CHSY3: variants seen among roughly 807,000 people sequenced by gnomAD.
The protein encoded by CHSY3 is N-acetylgalactosaminyl-proteoglycan 3-beta-glucuronosyltransferase 3.
In CHSY3, 35 loss-of-function variants were observed where a neutral mutation model predicts 67.2. The observed-to-expected ratio is 0.52, with a 90% confidence interval of 0.40 to 0.69. The LOEUF is 0.69. Ranked by LOEUF, CHSY3 falls within the 30% of genes least tolerant of loss-of-function variation. CHSY3 has a pLI of 0.00. For synonymous variants in CHSY3, 474 were observed against 434.7 expected (o/e 1.09, Z -1.12); for missense variants, 1,069 against 1,138.5 (o/e 0.94, Z 0.88).
intron 2 of CHSY3, among the ~76,000 whole-genome samples, chr5:130,179,641 A>G (rs895284261): frequency 6.6e-6 from 1 of 151,960 alleles, no homozygotes; most frequent in African/African-American, 2.4e-5. Context: ...CAAATTCTTC[A>G]TATGTTTTCA....
chr5:130,031,012 G>T (rs1209648235), intron 2 of CHSY3, among the ~76,000 whole-genome samples: 1 of 151,848 alleles, frequency 6.6e-6, no homozygotes, highest in African/African-American at 2.4e-5. Context: ...TATCCTAGAA[G>T]AATTAAACCT....
intron 2 of CHSY3, among the ~76,000 whole-genome samples, chr5:130,143,804 A>ATGTG (rs1554085944): frequency 5.4e-5 from 2 of 37,382 alleles, no homozygotes; most frequent in African/African-American, 9.3e-5. Flanking sequence ...ATATATATAT[A>ATGTG]TGTGTGTATA....
chr5:130,038,328 T>C (rs972049007), intron 2 of CHSY3, among the ~76,000 whole-genome samples: 9 of 152,150 alleles, frequency 5.9e-5, no homozygotes, highest in African/African-American at 1.9e-4. Flanking sequence ...ATTGCTCTAT[T>C]ACATTCTAGG....
At chr5:130,168,758 A>C (rs1769818409) in intron 2 of CHSY3, among the ~76,000 whole-genome samples, 1 of 152,088 alleles carries the variant, frequency 6.6e-6, no homozygotes. Context: ...GGAGCTGGTC[A>C]TCTAGAAAGG....
At position 129,966,085 on chromosome 5, in the gene CHSY3, A is replaced by G. The variant is rs73785829; in HGVS notation, c.1086+57725A>G. On this transcript the variant is annotated intron_variant, in intron 2 of 2. Transcript: ENST00000305031. ...ATTCCAGGTGATAGTCTGTATTTGTATTATAGGCTGTTAGAGAAAAAGCAC... is the reference window on the plus strand; with the variant it reads ...ATTCCAGGTGATAGTCTGTATTTGTGTTATAGGCTGTTAGAGAAAAAGCAC... 5.4e-3 allele frequency among the ~76,000 whole-genome samples: 827 copies of G among 151,872 alleles called. 5 individuals carry two copies. The highest frequency in any genetic ancestry group is 0.019 in the African/African-American group (784 of 41,386).
intron 2 of CHSY3, among the ~76,000 whole-genome samples, chr5:130,073,069 T>C (rs1766136829): frequency 6.6e-6 from 1 of 152,188 alleles, no homozygotes; most frequent in Non-Finnish European, 1.5e-5. Flanking sequence ...GAATAACTTT[T>C]AGTGATCTAT....
chr5:129,971,492 AC>A (rs1480659623), intron 2 of CHSY3, among the ~76,000 whole-genome samples: 2 of 151,948 alleles, frequency 1.3e-5, no homozygotes, highest in Non-Finnish European at 2.9e-5. Flanking sequence ...ATTGCTTAGT[AC>A]ATTTTATTAG....
intron 2 of CHSY3, among the ~76,000 whole-genome samples, chr5:129,915,302 G>A (rs1204304532): frequency 6.6e-6 from 1 of 152,116 alleles, no homozygotes; most frequent in African/African-American, 2.4e-5. Flanking sequence ...TTGAGGAGTT[G>A]CAGTTCTTCA....
rs148204816 is a variant in CHSY3 at position 130,153,424 on chromosome 5, C to T, written c.1087-30805C>T. Among the ~76,000 whole-genome samples, 296 of 152,250 alleles carry T rather than the reference C, an allele frequency of 1.9e-3. 1 individual carries two copies. Among genetic ancestry groups the T allele is most frequent in the Middle Eastern group, 6.8e-3 (2 of 294 alleles). On this transcript the variant is annotated intron_variant, in intron 2 of 2. Coordinates refer to ENST00000305031, the MANE Select transcript of CHSY3 (RefSeq NM_175856.5). ...TTCTCAAAACATCATTCTCTCTCAG[C>T]CTTTAAGTTTTGCAAGTTGAATCTT...
intron 2 of CHSY3, among the ~76,000 whole-genome samples, chr5:130,028,915 G>T (rs1208658910): frequency 6.6e-6 from 1 of 151,464 alleles, no homozygotes; most frequent in Non-Finnish European, 1.5e-5. Flanking sequence ...CCCCACATCT[G>T]CTTCTCCTAC....
rs144778726 is a variant in CHSY3, at chr5:130,156,394, G to A, written c.1087-27835G>A. ...GTCATCTGTTGAATACACACATTTA[G>A]TATTTAAATAGCAATTTGCATTTTC... On this transcript the variant is annotated intron_variant, in intron 2 of 2. Coordinates refer to ENST00000305031, the MANE Select transcript of CHSY3 (RefSeq NM_175856.5). Among the ~76,000 whole-genome samples the A allele has an allele frequency of 3.8e-3, 573 of 152,270 alleles. 1 individual carries two copies. The highest frequency in any genetic ancestry group is 0.013 in the African/African-American group (523 of 41,538).
chr5:130,098,882 G>C (rs1237256438), intron 2 of CHSY3, among the ~76,000 whole-genome samples: 1 of 152,142 alleles, frequency 6.6e-6, no homozygotes, highest in Non-Finnish European at 1.5e-5. Flanking sequence ...AATGACAGTT[G>C]CCTTTAATTA....
intron 2 of CHSY3, among the ~76,000 whole-genome samples, chr5:129,916,524 G>A (rs1016145158): frequency 1.3e-5 from 2 of 151,786 alleles, no homozygotes; most frequent in Non-Finnish European, 2.9e-5. Context: ...TGGAAAAATC[G>A]GCATTTTTAT....
At chr5:130,086,459 C>G (rs561806585) in intron 2 of CHSY3, among the ~76,000 whole-genome samples, 7 of 151,894 alleles carry the variant, frequency 4.6e-5, no homozygotes, top group Non-Finnish European at 8.8e-5. Flanking sequence ...TTTCCATTTG[C>G]TTGGTAGATC....
chr5:130,066,170 T>C (rs969059732), intron 2 of CHSY3, among the ~76,000 whole-genome samples: 12 of 152,114 alleles, frequency 7.9e-5, no homozygotes, highest in Admixed American at 3.9e-4. Context: ...AATACTCCTG[T>C]TCATGTATCT....
intron 2 of CHSY3, among the ~76,000 whole-genome samples, chr5:129,916,268 C>G (rs1389026371): frequency 6.6e-6 from 1 of 152,048 alleles, no homozygotes; most frequent in African/African-American, 2.4e-5. Flanking sequence ...AACGGCAGAT[C>G]TATAGTTATG....
chr5:129,995,289 C>A lies in CHSY3; in HGVS notation c.1086+86929C>A, dbSNP rs112273176. Among the ~76,000 whole-genome samples, 1,335 of 151,786 alleles carry A rather than the reference C, an allele frequency of 8.8e-3. 17 individuals are homozygous for A. Among genetic ancestry groups the A allele is most frequent in the African/African-American group, 0.031 (1,275 of 41,448 alleles). On this transcript the variant is annotated intron_variant, in intron 2 of 2. Coordinates refer to ENST00000305031, the MANE Select transcript of CHSY3 (RefSeq NM_175856.5). ...CATTTTATACAAATGATGTATTTTT[C>A]TTATTGATTTGTAGGAGGTCCTCAT...
At chr5:129,981,981 G>C (rs964783564) in intron 2 of CHSY3, among the ~76,000 whole-genome samples, 1 of 152,056 alleles carries the variant, frequency 6.6e-6, no homozygotes, top group African/African-American at 2.4e-5. Flanking sequence ...TTAACCTGTT[G>C]ATGTGCTAGA....
chr5:130,105,547 A>G (rs895971736), intron 2 of CHSY3, among the ~76,000 whole-genome samples: 14 of 151,720 alleles, frequency 9.2e-5, no homozygotes, highest in African/African-American at 3.4e-4. Flanking sequence ...TAACTTCATC[A>G]TAGGCCCTGT....
Sources: allele counts gnomAD v4.1 joint callset (sites outside exome capture counted in the v4.1 genomes callset), GRCh38; gene constraint gnomAD v4.1.1; transcripts MANE v1.5; gene names NCBI Gene and HGNC (gene_info 2026-07-23, HGNC 2026-07-21).